The following CFAP95 variants were observed in gnomAD, a reference collection of about 807,000 sequenced individuals.
CFAP95 encodes cilia and flagella associated protein 95, also known as cilia- and flagella-associated protein 95.
At chr9:69,891,279 A>T in the CFAP95 span, among the ~76,000 whole-genome samples, 1 of 152,056 alleles carries the variant, frequency 6.6e-6, no homozygotes, top group Non-Finnish European at 1.5e-5. Context: ...ACTGGTATGG[A>T]TGTGGCATTG....
chr9:69,882,632 A>G, the CFAP95 span, among the ~76,000 whole-genome samples: 30 of 152,102 alleles, frequency 2.0e-4, no homozygotes, highest in African/African-American at 7.0e-4. Flanking sequence ...TCTATACTCA[A>G]TTTTTTGAGG....
the CFAP95 span, among the ~76,000 whole-genome samples, chr9:69,898,487 G>T: frequency 6.6e-6 from 1 of 152,148 alleles, no homozygotes; most frequent in Non-Finnish European, 1.5e-5. Flanking sequence ...TTTCAAAAAT[G>T]GCACAAGGAG....
At chr9:69,886,759 GTAAAGT>G in the CFAP95 span, 1 of 1,008,936 alleles carries the variant, frequency 9.9e-7, no homozygotes, top group Non-Finnish European at 1.5e-6. Context: ...TTTATTTCAT[GTAAAGT>G]GTATACCAAT....
the CFAP95 span, among the ~76,000 whole-genome samples, chr9:69,850,439 C>T: frequency 6.6e-6 from 1 of 151,910 alleles, no homozygotes; most frequent in South Asian, 2.1e-4. Context: ...TTAAGAATAG[C>T]CAAATAAGCC....
At chr9:69,890,270 T>C in the CFAP95 span, among the ~76,000 whole-genome samples, 1 of 152,228 alleles carries the variant, frequency 6.6e-6, no homozygotes, top group Non-Finnish European at 1.5e-5. Context: ...ATATTTATGC[T>C]TTTAATTTTT....
chr9:69,827,006 A>G, the CFAP95 span, among the ~76,000 whole-genome samples: 1 of 152,194 alleles, frequency 6.6e-6, no homozygotes, highest in Non-Finnish European at 1.5e-5. Flanking sequence ...ACATGGAAGT[A>G]TGTTTGGACA....
the CFAP95 span, among the ~76,000 whole-genome samples, chr9:69,868,962 C>T: frequency 6.6e-6 from 1 of 152,104 alleles, no homozygotes; most frequent in Admixed American, 6.5e-5. Context: ...TCACCTCATG[C>T]CTGTTGGGAT....
At chr9:69,906,087 T>G in the CFAP95 span, 1 of 1,613,040 alleles carries the variant, frequency 6.2e-7, no homozygotes, top group South Asian at 1.1e-5. Context: ...AATTCAGATG[T>G]AAAACAGAAA....
chr9:69,865,914 T>C, the CFAP95 span, among the ~76,000 whole-genome samples: 1 of 152,172 alleles, frequency 6.6e-6, no homozygotes. Flanking sequence ...CTACAAAAAC[T>C]CTATGAATTG....
At chr9:69,892,533 G>A in the CFAP95 span, among the ~76,000 whole-genome samples, 5 of 152,154 alleles carry the variant, frequency 3.3e-5, no homozygotes, top group Admixed American at 2.0e-4. Context: ...CTAATGATAC[G>A]GACAGCAGGT....
At chr9:69,872,888 T>C in the CFAP95 span, among the ~76,000 whole-genome samples, 1 of 152,050 alleles carries the variant, frequency 6.6e-6, no homozygotes, top group African/African-American at 2.4e-5. Context: ...GGCAGACAAA[T>C]CTGGGTCATA....
the CFAP95 span, chr9:69,902,352 C>T: frequency 6.1e-3 from 2,769 of 454,212 alleles, 54 homozygotes; most frequent in African/African-American, 0.047. Flanking sequence ...TATAATCTCC[C>T]AGGTTTGATC....
the CFAP95 span, among the ~76,000 whole-genome samples, chr9:69,899,674 A>G: frequency 6.6e-6 from 1 of 152,238 alleles, no homozygotes; most frequent in Non-Finnish European, 1.5e-5. Context: ...ATGTTTGTGC[A>G]AACAATATGT....
the CFAP95 span, among the ~76,000 whole-genome samples, chr9:69,845,745 C>T: frequency 4.2e-4 from 64 of 152,280 alleles, no homozygotes; most frequent in East Asian, 0.012. Context: ...GCATCCCCAT[C>T]GCCACCCCAA....
At chr9:69,826,253 C>A in the CFAP95 span, among the ~76,000 whole-genome samples, 1 of 152,126 alleles carries the variant, frequency 6.6e-6, no homozygotes, top group East Asian at 1.9e-4. Context: ...CACAGAAGCA[C>A]CCAGTTCCAA....
the CFAP95 span, among the ~76,000 whole-genome samples, chr9:69,834,618 T>A: frequency 3.5e-4 from 54 of 152,324 alleles, no homozygotes; most frequent in East Asian, 8.7e-3. Context: ...ATATTTTCCA[T>A]AGGGCCTTCT....
the CFAP95 span, chr9:69,820,934 T>G: frequency 1.2e-6 from 2 of 1,613,840 alleles, no homozygotes; most frequent in African/African-American, 1.3e-5. Flanking sequence ...GCAACACTGG[T>G]TGGAGATCGG....
At chr9:69,905,301 T>C in the CFAP95 span, among the ~76,000 whole-genome samples, 1 of 152,236 alleles carries the variant, frequency 6.6e-6, no homozygotes, top group Non-Finnish European at 1.5e-5. Context: ...AGAAATTAGA[T>C]AATCAGTTAA....
the CFAP95 span, among the ~76,000 whole-genome samples, chr9:69,843,967 G>T: frequency 0.2 from 30,749 of 151,812 alleles, 3,766 homozygotes; most frequent in African/African-American, 0.34. Flanking sequence ...TTTTAATCAA[G>T]ATGTTTGGTA....
Sources: allele counts gnomAD v4.1 joint callset (sites outside exome capture counted in the v4.1 genomes callset), GRCh38; gene constraint gnomAD v4.1.1; transcripts MANE v1.5; gene names NCBI Gene and HGNC (gene_info 2026-07-23, HGNC 2026-07-21).